The following MPRIP variants were observed in gnomAD, a reference collection of about 807,000 sequenced individuals.
MPRIP encodes the protein myosin phosphatase Rho-interacting protein.
In MPRIP, 59 loss-of-function variants were observed where a neutral mutation model predicts 234.9. The observed-to-expected ratio is 0.25, with a 90% CI of 0.20 to 0.31. MPRIP has a LOEUF of 0.31. Ranked by LOEUF, MPRIP falls within the 10% of genes least tolerant of loss-of-function variation. MPRIP has a pLI of 1.00. For synonymous variants in MPRIP, 1,144 were observed against 1,263.9 expected (o/e 0.91, Z 2.01); for missense variants, 2,436 against 3,071.0 (o/e 0.79, Z 4.89).
At chr17:17,104,403 C>G (rs577331223) in intron 3 of MPRIP, among the ~76,000 whole-genome samples, 1 of 152,168 alleles carries the variant, frequency 6.6e-6, no homozygotes, top group Non-Finnish European at 1.5e-5. Context: ...AATTCATTGT[C>G]CCCTTCCTGG....
At chr17:17,101,119 C>T (rs574065643) in intron 3 of MPRIP, among the ~76,000 whole-genome samples, 42 of 152,350 alleles carry the variant, frequency 2.8e-4, no homozygotes, top group African/African-American at 9.1e-4. Flanking sequence ...GGGGAACCTT[C>T]TGCCATGTCC....
At chr17:17,170,330 G>A (rs1162276820) in intron 16 of MPRIP, 1 of 152,108 alleles carries the variant, frequency 6.6e-6, no homozygotes, top group African/African-American at 2.4e-5. Flanking sequence ...CCAGAGCTCC[G>A]AGCTCCTGCA....
At chr17:17,097,668 A>G (rs2089877179) in intron 3 of MPRIP, among the ~76,000 whole-genome samples, 1 of 152,214 alleles carries the variant, frequency 6.6e-6, no homozygotes, top group Non-Finnish European at 1.5e-5. Flanking sequence ...TTCAGAGAAC[A>G]TTCCTGGAAG....
chr17:17,051,635 A>G (rs1051888517), intron 1 of MPRIP, among the ~76,000 whole-genome samples: 1 of 152,232 alleles, frequency 6.6e-6, no homozygotes, highest in African/African-American at 2.4e-5. Context: ...AGTTTTAGCA[A>G]TTGAGGCAGT....
Position 17,171,869 on chromosome 17 carries a change from G to T in MPRIP, c.6472+4G>T. 6.2e-7 allele frequency: 1 copy of T among 1,610,982 alleles called. No homozygotes were observed. The highest frequency in any genetic ancestry group is 8.5e-7 in the Non-Finnish European group (1 of 1,179,016). ...GAGACAGCGGCCACCATCTCAGGTT[G>T]GGGGGTGGGGTAACCCTGAGGGCAG... On this transcript the variant is annotated splice_donor_region_variant and intron_variant, in intron 17 of 23. Coordinates refer to ENST00000651222, the MANE Select transcript of MPRIP (RefSeq NM_001364716.4).
intron 11 of MPRIP, among the ~76,000 whole-genome samples, chr17:17,149,318 C>T (rs566192435): frequency 1.3e-5 from 2 of 152,214 alleles, no homozygotes; most frequent in African/African-American, 4.8e-5. Flanking sequence ...CATGGTGAAA[C>T]CCTGTCTCTA....
chr17:17,054,429 A>C (rs1398611382), intron 1 of MPRIP, among the ~76,000 whole-genome samples: 3 of 152,204 alleles, frequency 2.0e-5, no homozygotes, highest in Non-Finnish European at 2.9e-5. Flanking sequence ...CAGCTTGCTT[A>C]TTCCAGTTCA....
Position 17,166,322 on chromosome 17 carries a change from C to T in MPRIP, c.4731C>T (p.Ser1577=). The T allele has an allele frequency of 6.9e-6, 9 of 1,304,508 alleles. No individual in the cohort carries two copies. Among genetic ancestry groups the T allele is most frequent in the Non-Finnish European group, 9.1e-6 (9 of 989,020 alleles). The allele number at this position is 1,304,508 out of a possible 1,614,324, so 80.8% of individuals were successfully genotyped here. ...DQIALEASLI[S]QIADSLKNTT... is the part of the protein sequence containing the mutation. ...TTGCTCTGGAGGCCTCGCTGATCAG[C>T]CAGATAGCAGATTCCCTGAAGAACA... Residue 1577 remains serine (S), a synonymous_variant, in exon 16 of 24, where the codon AGC becomes AGT. Coordinates refer to ENST00000651222, the MANE Select transcript of MPRIP (RefSeq NM_001364716.4). This position sits in a 1 kb window ranked among gnomAD's most constrained non-coding sequence, Gnocchi z 4.4.
intron 9 of MPRIP, 89 bp from the exon 10 acceptor site, chr17:17,145,947 C>T (rs1269477274): frequency 7.8e-7 from 1 of 1,274,016 alleles, no homozygotes; most frequent in Non-Finnish European, 1.1e-6. Flanking sequence ...CTGGTACCCG[C>T]CTCATCTGGA....
rs1474501313 is a variant in MPRIP at position 17,166,327 on chromosome 17, T to A, written c.4736T>A (p.Ile1579Lys). The A allele has an allele frequency of 7.7e-7, 1 of 1,304,432 alleles. No individual in the cohort carries two copies. Among genetic ancestry groups the A allele is most frequent in the Non-Finnish European group, 1.0e-6 (1 of 989,040 alleles). 80.8% of individuals were successfully genotyped at this position (1,304,432 alleles called of 1,614,324 possible). Residue 1579 changes from isoleucine (I) to lysine (K), a missense_variant, in exon 16 of 24, where the codon ATA (isoleucine) becomes AAA (lysine). By Grantham distance (102) the Ile-to-Lys change is moderately radical. Coordinates refer to ENST00000651222, the MANE Select transcript of MPRIP (RefSeq NM_001364716.4). This position sits in a 1 kb window ranked among gnomAD's most constrained non-coding sequence, Gnocchi z 4.4. ...IALEASLISQ[I>K]ADSLKNTTSD... ...CTGGAGGCCTCGCTGATCAGCCAGA[T>A]AGCAGATTCCCTGAAGAACACAACA...
intron 12 of MPRIP, 106 bp downstream of exon 12, chr17:17,150,339 G>C (rs1053835610): frequency 4.7e-5 from 37 of 785,896 alleles, no homozygotes; most frequent in Non-Finnish European, 8.1e-5. Context: ...CTGATGCAGC[G>C]TGTATGGTCA....
chr17:17,073,596 C>G (rs1201145816), intron 1 of MPRIP, among the ~76,000 whole-genome samples: 1 of 152,146 alleles, frequency 6.6e-6, no homozygotes, highest in Non-Finnish European at 1.5e-5. Context: ...CAGGTGGGCA[C>G]TTGTGGCCGG....
At chr17:17,175,880 A>G (rs986813463) in intron 20 of MPRIP, among the ~76,000 whole-genome samples, 4 of 152,230 alleles carry the variant, frequency 2.6e-5, no homozygotes, top group African/African-American at 9.6e-5. Flanking sequence ...TCAGCCAGCC[A>G]GAGCTCACCC....
chr17:17,146,592 A>G (rs2045471300), intron 10 of MPRIP, among the ~76,000 whole-genome samples: 1 of 152,012 alleles, frequency 6.6e-6, no homozygotes, highest in South Asian at 2.1e-4. Context: ...TTGCCATCAG[A>G]CTCAAGCAGG....
In MPRIP at chr17:17,176,418, C is replaced by A; in HGVS notation, c.6871-8C>A. 1 of 1,609,526 alleles carries A rather than the reference C, an allele frequency of 6.2e-7. No individual in the cohort carries two copies. Among genetic ancestry groups the A allele is most frequent in the Non-Finnish European group, 8.5e-7 (1 of 1,175,880 alleles). The stretch of plus-strand genomic sequence containing the variant: ...GAATATTGGTCCCTGATCTCTCTGT[C>A]ATTTTAGGTCTTATTGCGGGTAAAG... On this transcript the variant is annotated splice_polypyrimidine_tract_variant and splice_region_variant and intron_variant, in intron 20 of 23. Coordinates refer to ENST00000651222, the MANE Select transcript of MPRIP (RefSeq NM_001364716.4).
intron 23 of MPRIP, chr17:17,182,623 C>T (rs1238016591): frequency 1.3e-5 from 2 of 152,254 alleles, no homozygotes; most frequent in Admixed American, 6.5e-5. Flanking sequence ...TTACTTCCCA[C>T]CCTTGGAATT....
At chr17:17,147,058 C>G (rs1473402417) in intron 10 of MPRIP, among the ~76,000 whole-genome samples, 1 of 152,264 alleles carries the variant, frequency 6.6e-6, no homozygotes, top group African/African-American at 2.4e-5. Flanking sequence ...ATAGAGCCCA[C>G]AGCCAAGGCC....
Position 17,164,797 on chromosome 17 carries a change from T to C in MPRIP, c.3206T>C (p.Leu1069Pro). 2 of 1,304,136 alleles carry C rather than the reference T, an allele frequency of 1.5e-6. No individual in the cohort carries two copies. The highest frequency in any genetic ancestry group is 2.0e-6 in the Non-Finnish European group (2 of 988,924). The allele number at this position is 1,304,136 out of a possible 1,614,324, so 80.8% of individuals were successfully genotyped here. Residue 1069 changes from leucine (L) to proline (P), a missense_variant, in exon 16 of 24, where the codon CTG becomes CCG. This residue lies in a region of MPRIP where 1,998 missense variants were observed against 2,520.3 expected (regional missense o/e 0.79). Transcript: ENST00000651222. ...GTGGAGACCCTGCAGAAGGAGAAGC[T>C]GAGCGCCACTTTCGAGGGCAGTGAG... ...QQVETLQKEK[L>P]SATFEGSEQV...
intron 10 of MPRIP, 42 bp from the exon 11 acceptor site, chr17:17,147,277 A>C: frequency 1.3e-6 from 2 of 1,585,520 alleles, no homozygotes; most frequent in Non-Finnish European, 1.7e-6. Flanking sequence ...CATGCTGTAT[A>C]GGAGTTGGTA....
Sources: allele counts gnomAD v4.1 joint callset (sites outside exome capture counted in the v4.1 genomes callset), GRCh38; gene constraint gnomAD v4.1.1; regional missense constraint gnomAD v4.1.1; non-coding constraint Gnocchi (gnomAD v3.1); transcripts MANE v1.5; gene names NCBI Gene and HGNC (gene_info 2026-07-23, HGNC 2026-07-21).